The following STON2 variants were observed in gnomAD, a reference collection of about 807,000 sequenced individuals.
The protein encoded by STON2 is stonin-2.
STON2 carries 29 observed loss-of-function variants against 65.7 expected under a neutral mutation model. The ratio of observed to expected loss-of-function variants is 0.44; its 90% CI spans 0.33 to 0.60. STON2 has a LOEUF of 0.60. STON2 is among the 20% of genes least tolerant of loss of function. The probability of loss-of-function intolerance (pLI) is 0.03; values close to 1 mark genes in which losing one functional copy is unlikely to be tolerated. For missense variants in STON2, 1,054 were observed against 1,118.1 expected (o/e 0.94, Z 0.82); for synonymous variants, 404 against 414.2 (o/e 0.98, Z 0.30).
chr14:81,276,323 A>T (rs1047842583), intron 6 of STON2, among the ~76,000 whole-genome samples: 2 of 152,228 alleles, frequency 1.3e-5, no homozygotes, highest in African/African-American at 4.8e-5. Flanking sequence ...TGGCCCTTTT[A>T]GAAATTCATG....
At chr14:81,394,145 T>C (rs1364604568) in intron 3 of STON2, among the ~76,000 whole-genome samples, 1 of 151,868 alleles carries the variant, frequency 6.6e-6, no homozygotes, top group Non-Finnish European at 1.5e-5. Context: ...GAGCTGAGAT[T>C]GCACCACTGC....
At chr14:81,396,783 G>A (rs374327368) in intron 2 of STON2, among the ~76,000 whole-genome samples, 2 of 152,156 alleles carry the variant, frequency 1.3e-5, no homozygotes, top group African/African-American at 4.8e-5. Context: ...ACCTGGCCGG[G>A]CGCAGTGGCT....
chr14:81,350,330 A>G (rs1194355084), intron 4 of STON2, among the ~76,000 whole-genome samples: 1 of 152,144 alleles, frequency 6.6e-6, no homozygotes, highest in Admixed American at 6.5e-5. Flanking sequence ...AATATGTACA[A>G]ATACTATGCA....
chr14:81,371,707 G>C (rs1260029982), intron 3 of STON2, among the ~76,000 whole-genome samples: 3 of 131,750 alleles, frequency 2.3e-5, no homozygotes, highest in Non-Finnish European at 4.8e-5. Flanking sequence ...GAAAAGAAAA[G>C]TAAGGTCCCA....
In STON2 at chr14:81,338,170, G is replaced by A. The variant is rs569652816; in HGVS notation, c.572-13983C>T. On this transcript the variant is annotated intron_variant, in intron 4 of 7. Transcript: ENST00000614646. Reference sequence around the variant, plus strand: ...TTGTCCTAATGAGGCAACTCTTGGCGGACTTCTGAACATCAGGATAGGAGC... The same window carrying A: ...TTGTCCTAATGAGGCAACTCTTGGCAGACTTCTGAACATCAGGATAGGAGC... 4.6e-5 allele frequency among the ~76,000 whole-genome samples: 7 copies of A among 152,216 alleles called. No homozygotes were observed. In the South Asian group the frequency reaches 1.5e-3, roughly 32 times the overall value.
intron 5 of STON2, among the ~76,000 whole-genome samples, chr14:81,299,876 G>GAA (rs201844263): frequency 3.4e-5 from 4 of 118,572 alleles, no homozygotes; most frequent in Non-Finnish European, 5.1e-5. Context: ...TGTTAAGATG[G>GAA]AAAAAAAATT....
At position 81,263,520 on chromosome 14, in the gene STON2, A is replaced by C. The variant is rs1894233045; in HGVS notation, c.*4894T>G. Reference sequence around the variant, plus strand: ...GCCACTGCACTCTAGCCTGGGTGACAGACTGAGACTCCGTCTCAAAAAAAA... The same window carrying C: ...GCCACTGCACTCTAGCCTGGGTGACCGACTGAGACTCCGTCTCAAAAAAAA... On this transcript the variant is annotated 3_prime_UTR_variant, in exon 8 of 8. Coordinates refer to ENST00000614646, the MANE Select transcript of STON2 (RefSeq NM_001394390.1). 7.3e-6 allele frequency among the ~76,000 whole-genome samples: 1 copy of C among 137,608 alleles called. No homozygotes were observed. Among genetic ancestry groups the C allele is most frequent in the South Asian group, 2.6e-4 (1 of 3,920 alleles). 90.3% of individuals were successfully genotyped at this position (137,608 alleles called of 152,430 possible). A position where few individuals can be genotyped will look rare whatever the true frequency, so the allele number is the denominator to read the frequency against.
chr14:81,362,578 G>A (rs1898542305), intron 4 of STON2, among the ~76,000 whole-genome samples: 1 of 152,118 alleles, frequency 6.6e-6, no homozygotes, highest in South Asian at 2.1e-4. Flanking sequence ...ATTACATGGT[G>A]TGATGAATAC....
chr14:81,304,187 T>C (rs535095787), intron 5 of STON2, among the ~76,000 whole-genome samples: 1 of 152,216 alleles, frequency 6.6e-6, no homozygotes, highest in East Asian at 1.9e-4. Flanking sequence ...GAGACCAGGG[T>C]TTTGTACATT....
intron 3 of STON2, among the ~76,000 whole-genome samples, chr14:81,387,891 CAA>C (rs1226981939): frequency 8.5e-6 from 1 of 117,710 alleles, no homozygotes; most frequent in Admixed American, 8.7e-5. Flanking sequence ...GACTCAGTCT[CAA>C]AAAAAAAAGG....
chr14:81,261,682 C>T lies in STON2; in HGVS notation c.*6732G>A, dbSNP rs1595254502. The T allele has an allele frequency of 1.8e-6, 2 of 1,120,114 alleles. No individual in the cohort carries two copies. The highest frequency in any genetic ancestry group is 2.8e-5 in the East Asian group (1 of 36,088). The allele number at this position is 1,120,114 out of a possible 1,614,324, so 69.4% of individuals were successfully genotyped here. ...AATATATATATACCTCATTGATTAT[C>T]CTATCATCCCCAGTACTTGGAGGGT... On this transcript the variant is annotated 3_prime_UTR_variant, in exon 8 of 8. Coordinates refer to ENST00000614646, the MANE Select transcript of STON2 (RefSeq NM_001394390.1).
intron 5 of STON2, among the ~76,000 whole-genome samples, chr14:81,285,719 C>T (rs990432201): frequency 2.0e-5 from 3 of 152,322 alleles, no homozygotes; most frequent in Admixed American, 1.3e-4. Context: ...TAGAATATTA[C>T]ATAAACTAGG....
chr14:81,399,252 T>C (rs564475377), intron 1 of STON2, among the ~76,000 whole-genome samples: 2 of 152,348 alleles, frequency 1.3e-5, no homozygotes, highest in African/African-American at 4.8e-5. Flanking sequence ...TACAGAAAGA[T>C]TCTTAATTGA....
In STON2 at chr14:81,361,019, T is replaced by C. The variant is rs140452073; in HGVS notation, c.571+9969A>G. ...AGATACAAATAAATGGAAAGATATCTTGTGCTCATGGATTAGAATAATTCA... is the reference window on the plus strand; with the variant it reads ...AGATACAAATAAATGGAAAGATATCCTGTGCTCATGGATTAGAATAATTCA... On this transcript the variant is annotated intron_variant, in intron 4 of 7. Coordinates refer to ENST00000614646, the MANE Select transcript of STON2 (RefSeq NM_001394390.1). Among the ~76,000 whole-genome samples the C allele has an allele frequency of 1.1e-4, 16 of 152,236 alleles. No individual in the cohort carries two copies. The East Asian group carries it at 3.1e-3, about 29-fold the overall frequency.
intron 5 of STON2, among the ~76,000 whole-genome samples, chr14:81,306,965 G>C (rs1010286070): frequency 6.6e-6 from 1 of 152,102 alleles, no homozygotes; most frequent in Non-Finnish European, 1.5e-5. Flanking sequence ...CAATAATTTG[G>C]GTGGAATATC....
intron 1 of STON2, among the ~76,000 whole-genome samples, chr14:81,433,515 A>G (rs1902296321): frequency 6.6e-6 from 1 of 152,164 alleles, no homozygotes; most frequent in East Asian, 1.9e-4. Context: ...TGTTTCCTTC[A>G]GCACTTTTCC....
intron 4 of STON2, among the ~76,000 whole-genome samples, chr14:81,331,877 C>T (rs528465828): frequency 6.6e-6 from 1 of 152,326 alleles, no homozygotes; most frequent in African/African-American, 2.4e-5. Flanking sequence ...CATTCCTCAA[C>T]AGTTTAATGA....
chr14:81,357,481 A>G (rs1898293332), intron 4 of STON2, among the ~76,000 whole-genome samples: 1 of 150,974 alleles, frequency 6.6e-6, no homozygotes, highest in South Asian at 2.1e-4. Context: ...CCATTGTGGA[A>G]GTCAGTGTGG....
chr14:81,398,563 A>T lies in STON2; in HGVS notation c.-181T>A. The T allele has an allele frequency of 4.2e-6, 2 of 475,658 alleles. No individual in the cohort carries two copies. Among genetic ancestry groups the T allele is most frequent in the East Asian group, 3.3e-5 (1 of 30,520 alleles). The allele number at this position is 475,658 out of a possible 1,614,324, so 29.5% of individuals were successfully genotyped here. On this transcript the variant is annotated 5_prime_UTR_variant, in exon 2 of 8. Transcript: ENST00000614646. Reference sequence around the variant, plus strand: ...AGATCAGCCTCTCTTGCCGTTGGTTAATCTGCCAGGCAGAAATCTGTTTAA... The same window carrying T: ...AGATCAGCCTCTCTTGCCGTTGGTTTATCTGCCAGGCAGAAATCTGTTTAA...
Sources: gnomAD v4.1 joint callset for allele counts (sites outside exome capture counted in the v4.1 genomes callset) on GRCh38, gnomAD v4.1.1 for gene constraint, MANE v1.5 for transcripts, NCBI Gene and HGNC (gene_info 2026-07-23, HGNC 2026-07-21) for gene names.